Variants in PCDH15 observed in about 807,000 individuals in gnomAD.
The protein encoded by PCDH15 is protocadherin-15.
Under a neutral mutation model 178.5 loss-of-function variants are expected in PCDH15, and 129 were observed. That is an observed-to-expected ratio of 0.72 (90% confidence interval 0.63 to 0.84). The LOEUF (loss-of-function observed/expected upper bound fraction) is 0.84, where lower values mean the gene tolerates loss of function less well. PCDH15 is among the 40% of genes least tolerant of loss of function. The pLI is 0.00. For missense variants in PCDH15, 2,230 were observed against 2,099.9 expected (o/e 1.06, Z -1.21); for synonymous variants, 800 against 732.0 (o/e 1.09, Z -1.50).
intron 2 of PCDH15, among the ~76,000 whole-genome samples, chr10:55,063,421 G>A (rs866460662): frequency 7.2e-5 from 11 of 152,108 alleles, no homozygotes; most frequent in Middle Eastern, 3.4e-3. Context: ...CAGGGTGGTA[G>A]TGAGAATACA....
Position 55,264,338 on chromosome 10 carries a change from C to T in PCDH15, c.-156+55261G>A, listed in dbSNP as rs146545575. On this transcript the variant is annotated intron_variant, in intron 1 of 5. Coordinates refer to the PCDH15 transcript ENST00000458638. ...CGATTAAACCCCACCCCCAACCCCA[C>T]AGAAGGAGGCCTTGCTTCATGGCAT... is the stretch of plus-strand genomic sequence containing the variant. 3.2e-3 allele frequency among the ~76,000 whole-genome samples: 484 copies of T among 152,202 alleles called. 4 individuals carry two copies. Among genetic ancestry groups the T allele is most frequent in the African/African-American group, 0.011 (463 of 41,536 alleles).
At chr10:53,837,636 C>T (rs374294900) in intron 29 of PCDH15, among the ~76,000 whole-genome samples, 3 of 151,932 alleles carry the variant, frequency 2.0e-5, no homozygotes, top group Admixed American at 6.6e-5. Context: ...TGACCTGGAC[C>T]GGCATCTTAA....
intron 2 of PCDH15, among the ~76,000 whole-genome samples, chr10:54,646,686 T>A (rs754830418): frequency 4.6e-5 from 7 of 152,096 alleles, no homozygotes; most frequent in Admixed American, 3.3e-4. Flanking sequence ...GAACATAGGA[T>A]GTCTTTCCAC....
At chr10:55,022,913 C>T (rs1013289595) in intron 2 of PCDH15, among the ~76,000 whole-genome samples, 2 of 149,030 alleles carry the variant, frequency 1.3e-5, no homozygotes, top group Non-Finnish European at 3.0e-5. Context: ...AAAAAACTTA[C>T]TTTATTTTTA....
At chr10:55,032,899 T>G (rs1359625990) in intron 2 of PCDH15, among the ~76,000 whole-genome samples, 1 of 152,154 alleles carries the variant, frequency 6.6e-6, no homozygotes, top group Non-Finnish European at 1.5e-5. Context: ...AGCCCAGAAC[T>G]CCTTCAAGTC....
chr10:54,435,833 G>A (rs1038337924), intron 3 of PCDH15, among the ~76,000 whole-genome samples: 3 of 151,966 alleles, frequency 2.0e-5, no homozygotes, highest in African/African-American at 4.8e-5. Flanking sequence ...AGCCGGTCGT[G>A]GTGGCGGGCG....
intron 18 of PCDH15, among the ~76,000 whole-genome samples, chr10:54,041,112 G>T (rs1201951915): frequency 6.6e-6 from 1 of 152,104 alleles, no homozygotes; most frequent in East Asian, 1.9e-4. Flanking sequence ...GTTGGATGTT[G>T]AATGCAGATG....
intron 1 of PCDH15, among the ~76,000 whole-genome samples, chr10:55,236,670 A>C (rs1841393028): frequency 6.6e-6 from 1 of 152,062 alleles, no homozygotes; most frequent in Admixed American, 6.5e-5. Flanking sequence ...ATAATACTGA[A>C]CATTCAAAAG....
intron 6 of PCDH15, among the ~76,000 whole-genome samples, chr10:54,343,307 CT>C (rs1415896416): frequency 6.6e-6 from 1 of 152,000 alleles, no homozygotes; most frequent in East Asian, 1.9e-4. Flanking sequence ...CTCATGAGGT[CT>C]GATGGTTTAA....
chr10:54,596,832 A>G (rs542830096), intron 2 of PCDH15, among the ~76,000 whole-genome samples: 1 of 152,302 alleles, frequency 6.6e-6, no homozygotes, highest in Non-Finnish European at 1.5e-5. Context: ...TTAAACCAAT[A>G]AAAATAAGAA....
chr10:55,026,659 A>G (rs1173019177), intron 2 of PCDH15, among the ~76,000 whole-genome samples: 2 of 151,958 alleles, frequency 1.3e-5, no homozygotes, highest in Non-Finnish European at 2.9e-5. Flanking sequence ...TAGAAGTTAC[A>G]TCACTTAGGT....
chr10:54,196,204 G>A (rs1288536316), intron 10 of PCDH15, among the ~76,000 whole-genome samples: 1 of 152,056 alleles, frequency 6.6e-6, no homozygotes, highest in Admixed American at 6.5e-5. Flanking sequence ...GTGCAGTGGA[G>A]TGAACTCGGC....
chr10:54,579,950 T>G (rs2090887303), intron 2 of PCDH15, among the ~76,000 whole-genome samples: 1 of 151,998 alleles, frequency 6.6e-6, no homozygotes, highest in Non-Finnish European at 1.5e-5. Flanking sequence ...CATTTCAAAA[T>G]CTCTGAGATG....
chr10:54,592,378 A>G (rs1283855825), intron 2 of PCDH15, among the ~76,000 whole-genome samples: 1 of 138,456 alleles, frequency 7.2e-6, no homozygotes, highest in Non-Finnish European at 1.5e-5. Context: ...TTCTTTTTTC[A>G]GCTTTATTGA....
At chr10:55,582,405 T>C (rs535477009) in intron 2 of PCDH15, among the ~76,000 whole-genome samples, 1 of 151,962 alleles carries the variant, frequency 6.6e-6, no homozygotes, top group East Asian at 1.9e-4. Context: ...AAAAGAAAGG[T>C]CTATATGCAC....
At chr10:55,140,445 T>C (rs1465190216) in intron 2 of PCDH15, among the ~76,000 whole-genome samples, 1 of 151,930 alleles carries the variant, frequency 6.6e-6, no homozygotes, top group Non-Finnish European at 1.5e-5. Flanking sequence ...TTTTGTTAAA[T>C]TCTTTTTCAT....
Position 55,410,414 on chromosome 10 carries a change from T to C in PCDH15, c.-156+217211A>G, listed in dbSNP as rs183915003. Among the ~76,000 whole-genome samples, 267 of 152,206 alleles carry C rather than the reference T, an allele frequency of 1.8e-3. 1 individual carries two copies. The highest frequency in any genetic ancestry group is 6.3e-3 in the African/African-American group (262 of 41,550). ...AGAGATACCACATAATCTGATATCA[T>C]ACTGGATTTCACTCTGGAGTTCCTG... On this transcript the variant is annotated intron_variant, in intron 2 of 5. Coordinates refer to the PCDH15 transcript ENST00000613346.
chr10:54,586,374 T>G (rs1348147433), intron 2 of PCDH15, among the ~76,000 whole-genome samples: 1 of 152,148 alleles, frequency 6.6e-6, no homozygotes, highest in Non-Finnish European at 1.5e-5. Flanking sequence ...TTCAAGAGGT[T>G]TATTAGTCTG....
chr10:54,379,008 G>A, intron 3 of PCDH15, 66 bp from the exon 4 acceptor site: 2 of 1,571,766 alleles, frequency 1.3e-6, no homozygotes, highest in South Asian at 1.1e-5. Context: ...CAAAGATCAT[G>A]CTCTTAAACC....
Sources: allele counts gnomAD v4.1 joint callset (sites outside exome capture counted in the v4.1 genomes callset), GRCh38; gene constraint gnomAD v4.1.1; transcripts MANE v1.5; gene names NCBI Gene and HGNC (gene_info 2026-07-23, HGNC 2026-07-21).